The following DDB2 variants were observed in gnomAD, a reference collection of about 807,000 sequenced individuals.
DDB2 encodes DNA damage-binding protein 2.
In DDB2, 27 loss-of-function variants were observed where a neutral mutation model predicts 50.5. That is an observed-to-expected ratio of 0.53 (90% CI 0.39 to 0.74). The LOEUF (loss-of-function observed/expected upper bound fraction) is 0.74. DDB2 is among the 30% of genes least tolerant of loss of function. The probability of loss-of-function intolerance (pLI) is 0.00; values close to 1 mark genes in which losing one functional copy is unlikely to be tolerated. For missense variants in DDB2, 424 were observed against 545.6 expected, an observed-to-expected ratio of 0.78 and a Z score of 2.22; for synonymous variants, 176 against 205.5, an observed-to-expected ratio of 0.86 and a Z score of 1.23.
At position 47,238,262 on chromosome 11, in the gene DDB2, C is replaced by A. The variant is rs1179560122; in HGVS notation, c.1234+79C>A. 6.8e-6 allele frequency: 9 copies of A among 1,318,382 alleles called. No individual in the cohort carries two copies. In the East Asian group the frequency reaches 2.2e-4, roughly 33 times the overall value. 81.7% of individuals were successfully genotyped at this position (1,318,382 alleles called of 1,614,324 possible). On this transcript the variant is annotated intron_variant, in intron 9 of 9. Coordinates refer to ENST00000256996, the MANE Select transcript of DDB2 (RefSeq NM_000107.3). ...GTTCAGTGCGGGCCAGCCTCAGCCC[C>A]GCCCTGCCACATTCACCCCAGGGCA...
At chr11:47,220,681 C>T (rs752930885) in intron 3 of DDB2, 1 of 152,200 alleles carries the variant, frequency 6.6e-6, no homozygotes, top group Non-Finnish European at 1.5e-5. Flanking sequence ...TCTGGTTTTA[C>T]TCCCAGATGC....
intron 6 of DDB2, 101 bp downstream of exon 6, chr11:47,235,035 C>T (rs1050842302): frequency 9.3e-6 from 13 of 1,393,380 alleles, no homozygotes; most frequent in Non-Finnish European, 1.2e-5. Context: ...ACCTTTACCC[C>T]TGATAGCGTC....
intron 3 of DDB2, chr11:47,229,919 C>T: frequency 2.9e-6 from 1 of 346,654 alleles, no homozygotes; most frequent in Non-Finnish European, 5.5e-6. Context: ...CAGCCTTGAA[C>T]TCCTGGGCTC....
chr11:47,235,120 T>C (rs1953705848), intron 6 of DDB2, 150 bp from the exon 7 acceptor site: 2 of 1,345,368 alleles, frequency 1.5e-6, no homozygotes, highest in Non-Finnish European at 2.1e-6. Context: ...AATTTTTTTG[T>C]TGTTGTTCAC....
At chr11:47,216,067 C>T in intron 1 of DDB2, 1 of 556,534 alleles carries the variant, frequency 1.8e-6, no homozygotes. Flanking sequence ...TTGTGTGTTT[C>T]TTTGGCTGGG....
intron 3 of DDB2, among the ~76,000 whole-genome samples, chr11:47,217,725 A>G (rs1020171869): frequency 2.0e-5 from 3 of 152,024 alleles, no homozygotes; most frequent in African/African-American, 7.2e-5. Context: ...CCCCGTCTCT[A>G]CTAAAGATAC....
At chr11:47,218,742 GA>G (rs74261105) in intron 3 of DDB2, among the ~76,000 whole-genome samples, 457 of 132,342 alleles carry the variant, frequency 3.5e-3, no homozygotes, top group Non-Finnish European at 3.4e-3. Context: ...AGCCAGAGTG[GA>G]AAAAAAAAAA....
chr11:47,214,771 TAAA>T (rs781389544), upstream of DDB2: 619 of 303,466 alleles, frequency 2.0e-3, no homozygotes, highest in South Asian at 3.2e-3. Flanking sequence ...ACCCTGTTGC[TAAA>T]AAAAAAAAAA....
intron 3 of DDB2, among the ~76,000 whole-genome samples, chr11:47,226,970 A>AG (rs1953567678): frequency 6.6e-6 from 1 of 151,072 alleles, no homozygotes; most frequent in Admixed American, 6.6e-5. Flanking sequence ...GTTAAAAAAA[A>AG]ATTTTTTTTT....
chr11:47,215,247 C>T lies in DDB2; in HGVS notation c.111C>T (p.Leu37=). The T allele has an allele frequency of 6.2e-7, 1 of 1,613,966 alleles. No individual in the cohort carries two copies. Among genetic ancestry groups the T allele is most frequent in the East Asian group, 2.2e-5 (1 of 44,860 alleles). ...PLELEPEAKK[L]CAKGSGPSRR... ...AGCTGGAGCCCGAGGCCAAGAAGCT[C>T]TGTGCGAAGGGCTCCGGTACTGCCT... The change falls in exon 1 of 10, where the codon CTC becomes CTT. Residue 37 remains leucine, a synonymous_variant. Coordinates refer to ENST00000256996, the MANE Select transcript of DDB2 (RefSeq NM_000107.3).
chr11:47,220,963 C>T (rs1953476877), intron 3 of DDB2, among the ~76,000 whole-genome samples: 1 of 152,102 alleles, frequency 6.6e-6, no homozygotes, highest in South Asian at 2.1e-4. Context: ...AGTTCCGAGA[C>T]CAGCCTGACC....
chr11:47,229,121 A>G (rs1953607284), intron 3 of DDB2, among the ~76,000 whole-genome samples: 1 of 152,012 alleles, frequency 6.6e-6, no homozygotes, highest in Admixed American at 6.6e-5. Flanking sequence ...TGGGAAGGCT[A>G]CAGTGCTGGA....
Position 47,215,008 on chromosome 11 carries a change from G to C in DDB2, c.-129G>C. The C allele has an allele frequency of 7.1e-7, 1 of 1,413,706 alleles. No individual in the cohort carries two copies. The highest frequency in any genetic ancestry group is 9.9e-7 in the Non-Finnish European group (1 of 1,005,746). 87.6% of individuals were successfully genotyped at this position (1,413,706 alleles called of 1,614,324 possible). ...AAGCCCTGGGCATGTTTGGCGGGAA[G>C]TTGGCTTAGCTCGGCTACCTGTGGC... is the stretch of plus-strand genomic sequence containing the variant. On this transcript the variant is annotated 5_prime_UTR_variant, in exon 1 of 10. Transcript: ENST00000256996.
intron 7 of DDB2, chr11:47,236,192 C>G (rs1477253200): frequency 1.3e-5 from 2 of 152,144 alleles, no homozygotes; most frequent in Admixed American, 1.3e-4. Flanking sequence ...CTTGGCCTCC[C>G]AAAGTGCTAG....
At chr11:47,225,394 C>T (rs1953543652) in intron 3 of DDB2, among the ~76,000 whole-genome samples, 3 of 151,352 alleles carry the variant, frequency 2.0e-5, no homozygotes, top group Non-Finnish European at 4.4e-5. Flanking sequence ...AGATCGAGAC[C>T]ATCCTGGCCA....
intron 3 of DDB2, among the ~76,000 whole-genome samples, chr11:47,231,766 C>T (rs918106232): frequency 1.3e-5 from 2 of 152,072 alleles, no homozygotes; most frequent in South Asian, 2.1e-4. Context: ...GCAATCCCCC[C>T]GCCTCAGTCT....
At chr11:47,216,820 G>T in intron 2 of DDB2, 38 bp from the exon 3 acceptor site, 1 of 1,606,044 alleles carries the variant, frequency 6.2e-7, no homozygotes, top group South Asian at 1.1e-5. Context: ...CCAGAACTTG[G>T]GTTTTAATTC....
At chr11:47,222,750 G>A (rs929266749) in intron 3 of DDB2, among the ~76,000 whole-genome samples, 2 of 152,184 alleles carry the variant, frequency 1.3e-5, no homozygotes, top group African/African-American at 2.4e-5. Context: ...GAACATTCAC[G>A]TACAAGTATT....
rs749426163 is a variant in DDB2 at position 47,216,445 on chromosome 11, C to T, written c.237C>T (p.Gly79=). The stretch of plus-strand genomic sequence containing the variant: ...GGACCCTCCACCAGCATAAGCTGGG[C>T]AGAGCTTCCTGGCCATCTGTCCAGC... The part of the protein sequence containing the change: ...IVRTLHQHKL[G]RASWPSVQQG... Residue 79 remains glycine (G), a synonymous_variant, in exon 2 of 10, where the codon GGC becomes GGT. Transcript: ENST00000256996. 2 of 1,613,764 alleles carry T rather than the reference C, an allele frequency of 1.2e-6. No homozygotes were observed. Among genetic ancestry groups the T allele is most frequent in the Non-Finnish European group, 1.7e-6 (2 of 1,180,036 alleles).
Sources: gnomAD v4.1 joint callset for allele counts (sites outside exome capture counted in the v4.1 genomes callset) on GRCh38, gnomAD v4.1.1 for gene constraint, MANE v1.5 for transcripts, NCBI Gene and HGNC (gene_info 2026-07-23, HGNC 2026-07-21) for gene names.